Variants in ZNF841 observed in about 807,000 individuals in gnomAD.
The protein encoded by ZNF841 is zinc finger protein 841.
A neutral mutation model predicts 13.0 loss-of-function variants in ZNF841; 11 were observed. The observed-to-expected ratio is 0.85, with a 90% CI of 0.53 to 1.40. ZNF841 has a LOEUF of 1.40. Ranked by LOEUF, ZNF841 falls within the 40% of genes most tolerant of loss-of-function variation. The pLI is 0.00. For synonymous variants in ZNF841, 369 were observed against 381.6 expected (o/e 0.97, Z 0.38); for missense variants, 1,068 against 1,139.5 (o/e 0.94, Z 0.90).
At chr19:52,060,575 C>T (rs1000923211), downstream of ZNF841, among the ~76,000 whole-genome samples, 13 of 151,770 alleles carry the variant, frequency 8.6e-5, no homozygotes, top group African/African-American at 3.1e-4. Context: ...AGTCTTTCAG[C>T]GGCCGTTTCC....
intron 4 of ZNF841, among the ~76,000 whole-genome samples, chr19:52,078,144 G>A (rs148527757): frequency 1.9e-3 from 296 of 152,042 alleles, no homozygotes; most frequent in African/African-American, 6.8e-3. Flanking sequence ...ACAAAAATTA[G>A]CTGGGCGTGG....
chr19:52,069,912 C>A (rs1367078837), intron 6 of ZNF841, among the ~76,000 whole-genome samples: 3 of 152,086 alleles, frequency 2.0e-5, no homozygotes, highest in Admixed American at 1.3e-4. Context: ...AAACATGAAA[C>A]AATGTTGATA....
the ZNF841 span, among the ~76,000 whole-genome samples, chr19:52,059,348 T>TA: frequency 9.7e-3 from 444 of 45,974 alleles, 6 homozygotes; most frequent in Middle Eastern, 0.015. Context: ...AGACTCTGTC[T>TA]AAAAAAAAAA....
At chr19:52,080,063 T>C (rs1216368885) in intron 4 of ZNF841, among the ~76,000 whole-genome samples, 2 of 150,732 alleles carry the variant, frequency 1.3e-5, no homozygotes, top group Non-Finnish European at 3.0e-5. Flanking sequence ...GTATACAAGC[T>C]AACAATGCTA....
At chr19:52,059,370 A>AATATATATATAT in the ZNF841 span, among the ~76,000 whole-genome samples, 9 of 69,640 alleles carry the variant, frequency 1.3e-4, no homozygotes, top group African/African-American at 5.7e-4. Flanking sequence ...AAAAAAAAAA[A>AATATATATATAT]ATATATATAT....
At chr19:52,059,366 AAAAAAT>A in the ZNF841 span, among the ~76,000 whole-genome samples, 2 of 96,228 alleles carry the variant, frequency 2.1e-5, no homozygotes, top group African/African-American at 1.0e-4. Flanking sequence ...AAAAAAAAAA[AAAAAAT>A]ATATATATAT....
At chr19:52,059,791 A>C (rs887040746), downstream of ZNF841, among the ~76,000 whole-genome samples, 8 of 152,198 alleles carry the variant, frequency 5.3e-5, no homozygotes, top group East Asian at 1.9e-4. Flanking sequence ...CTAACTTTCC[A>C]CACCTAAGTA....
chr19:52,082,168 T>C (rs1476881638), intron 4 of ZNF841, among the ~76,000 whole-genome samples: 1 of 152,162 alleles, frequency 6.6e-6, no homozygotes, highest in Admixed American at 6.5e-5. Context: ...AATAAAGATA[T>C]GATCACTGAC....
rs2087924874 is a variant in ZNF841 at position 52,077,047 on chromosome 19, G to A, written c.53C>T (p.Ser18Phe). 1 of 1,612,872 alleles carries A rather than the reference G, an allele frequency of 6.2e-7. No individual in the cohort carries two copies. Among genetic ancestry groups the A allele is most frequent in the Non-Finnish European group, 8.5e-7 (1 of 1,179,266 alleles). Reference protein sequence around the residue: ...LTFRDVAVEFSQEEWKCLDPV... With the variant: ...LTFRDVAVEFFQEEWKCLDPV... The stretch of plus-strand genomic sequence containing the variant: ...GTCCAGGCATTTCCACTCCTCCTGA[G>A]AGAATTCTACAGCCACATCCCTGAA... The change falls in exon 5 of 7, where the codon TCT becomes TTT. Residue 18 changes from serine (S) to phenylalanine (F), a missense_variant. Ser to Phe is a radical substitution (Grantham distance 155). Transcript: ENST00000594440.
At chr19:52,062,871 ATTT>A (rs34996737), downstream of ZNF841, among the ~76,000 whole-genome samples, 285 of 120,108 alleles carry the variant, frequency 2.4e-3, no homozygotes, top group African/African-American at 7.6e-3. Context: ...CTGTTGAGAA[ATTT>A]TTTTTTTTTT....
At position 52,067,176 on chromosome 19, in the gene ZNF841, T is replaced by C. The variant is rs767652445; in HGVS notation, c.706A>G (p.Arg236Gly). 5.7e-5 allele frequency: 88 copies of C among 1,552,290 alleles called. 2 individuals are homozygous for C. In the South Asian group the frequency reaches 9.5e-4, roughly 17 times the overall value. ...TGCAAAAAATCATTCCCATATTTCCTAGAAATGTTGGTTTGGACACCAGGA... is the reference window on the plus strand; with the variant it reads ...TGCAAAAAATCATTCCCATATTTCCCAGAAATGTTGGTTTGGACACCAGGA... ...IFPGVQTNIS[R>G]KYGNDFLQLS... Residue 236 changes from arginine to glycine, a missense_variant, in exon 7 of 7, where the codon AGG becomes GGG. By Grantham distance (125) the Arg-to-Gly change is moderately radical (BLOSUM62 -2). Transcript: ENST00000594440.
chr19:52,059,438 T>C, the ZNF841 span, among the ~76,000 whole-genome samples: 2 of 145,856 alleles, frequency 1.4e-5, no homozygotes, highest in African/African-American at 5.2e-5. Flanking sequence ...AAAGCATGTG[T>C]TCTATCAATA....
At chr19:52,084,282 C>T (rs1210791234) in intron 4 of ZNF841, among the ~76,000 whole-genome samples, 1 of 151,994 alleles carries the variant, frequency 6.6e-6, no homozygotes, top group African/African-American at 2.4e-5. Flanking sequence ...ATTCCATTCC[C>T]GGTCATTAAG....
At chr19:52,072,842 A>G (rs2123260348) in intron 6 of ZNF841, among the ~76,000 whole-genome samples, 1 of 152,288 alleles carries the variant, frequency 6.6e-6, no homozygotes, top group East Asian at 1.9e-4. Context: ...CAAACAAACA[A>G]GGACCATACT....
intron 3 of ZNF841, 34 bp from the exon 4 acceptor site, chr19:52,084,912 A>G (rs1289952685): frequency 8.3e-7 from 1 of 1,200,770 alleles, no homozygotes; most frequent in Admixed American, 2.4e-5. Flanking sequence ...TAATCCTTGG[A>G]AACAACACAT....
Position 52,064,867 on chromosome 19 carries a change from C to T in ZNF841, c.*240G>A. On this transcript the variant is annotated 3_prime_UTR_variant, in exon 7 of 7. Transcript: ENST00000594440. ...CAGGCTGCTCTTGAACTCCTGACCT[C>T]AAGTGATCCGCCCACCTCAGCCTCC... 1 of 300,242 alleles carries T rather than the reference C, an allele frequency of 3.3e-6. No homozygotes were observed. The highest frequency in any genetic ancestry group is 6.1e-6 in the Non-Finnish European group (1 of 162,878). 18.6% of individuals were successfully genotyped at this position (300,242 alleles called of 1,614,324 possible).
chr19:52,091,814 A>G (rs2088506458), intron 2 of ZNF841, among the ~76,000 whole-genome samples: 1 of 152,202 alleles, frequency 6.6e-6, no homozygotes. Flanking sequence ...CCAGGCAACA[A>G]ATGGTGGGAC....
In ZNF841 at chr19:52,067,553, C is replaced by T; in HGVS notation, c.329G>A (p.Gly110Glu). 1 of 1,599,478 alleles carries T rather than the reference C, an allele frequency of 6.3e-7. No individual in the cohort carries two copies. ...CAACATCACTGCTTGGAATTTTTCT[C>T]CTGTGTTACTGTTCTGTATTGGTGG... Reference protein sequence around the residue: ...ELPPIQNSNTGEKFQAVMLEG... With the variant: ...ELPPIQNSNTEEKFQAVMLEG... The change falls in exon 7 of 7, where the codon GGA becomes GAA. Residue 110 changes from glycine (G) to glutamate (E), a missense_variant. Physicochemically the swap from Gly to Glu is moderately conservative, Grantham distance 98 (BLOSUM62 -2). Transcript: ENST00000594440.
Position 52,067,609 on chromosome 19 carries a change from A to C in ZNF841, c.273T>G (p.Gly91=). The C allele has an allele frequency of 2.7e-6, 4 of 1,495,876 alleles. No homozygotes were observed. Among genetic ancestry groups the C allele is most frequent in the Non-Finnish European group, 3.6e-6 (4 of 1,125,460 alleles). 92.7% of individuals were successfully genotyped at this position (1,495,876 alleles called of 1,614,324 possible). Residue 91 remains glycine, a splice_region_variant and synonymous_variant, in exon 7 of 7, where the codon GGT becomes GGG. Coordinates refer to ENST00000594440, the MANE Select transcript of ZNF841 (RefSeq NM_001136499.2). ...CCTTGATCACACATTTAGGAGAGAT[A>C]CCTGCAAAATATAATGAACATGGGG... ...CGECMKGVIT[G]ISPKCVIKEL...
Sources: gnomAD v4.1 joint callset for allele counts (sites outside exome capture counted in the v4.1 genomes callset) on GRCh38, gnomAD v4.1.1 for gene constraint, MANE v1.5 for transcripts, NCBI Gene and HGNC (gene_info 2026-07-23, HGNC 2026-07-21) for gene names.